Variants in BTBD9 observed in about 807,000 individuals in gnomAD.
BTBD9 encodes BTB domain containing 9.
In BTBD9, 49 loss-of-function variants were observed where a neutral mutation model predicts 64.3. The ratio of observed to expected loss-of-function variants is 0.76; its 90% CI spans 0.61 to 0.97. The LOEUF (loss-of-function observed/expected upper bound fraction) is 0.97, where lower values mean the gene tolerates loss of function less well. Among genes scored for constraint, BTBD9 ranks in the 50% least tolerant of loss-of-function variants. The pLI, the probability that BTBD9 is intolerant of heterozygous loss-of-function variation, is 0.00. For missense variants in BTBD9, 598 were observed against 762.1 expected, an observed-to-expected ratio of 0.78 and a Z score of 2.53; for synonymous variants, 260 against 274.7, an observed-to-expected ratio of 0.95 and a Z score of 0.53.
chr6:38,616,995 C>A (rs765862356), intron 1 of BTBD9, among the ~76,000 whole-genome samples: 2 of 152,140 alleles, frequency 1.3e-5, no homozygotes, highest in Non-Finnish European at 2.9e-5. Flanking sequence ...TGAGTACTAT[C>A]GGACCCCTTT....
At chr6:38,568,278 A>G (rs1775611116) in intron 6 of BTBD9, among the ~76,000 whole-genome samples, 1 of 152,206 alleles carries the variant, frequency 6.6e-6, no homozygotes, top group South Asian at 2.1e-4. Context: ...TTCACACACA[A>G]AAAATCTGTA....
Position 38,503,183 on chromosome 6 carries a change from C to G in BTBD9, c.1154+74417G>C, listed in dbSNP as rs537422483. Among the ~76,000 whole-genome samples, 8 of 152,246 alleles carry G rather than the reference C, an allele frequency of 5.3e-5. 1 individual carries two copies. The East Asian group carries it at 1.5e-3, about 29-fold the overall frequency. On this transcript the variant is annotated intron_variant, in intron 6 of 10. Transcript: ENST00000481247. ...CCACAGCAGCTACATCACACCTCCT[C>G]CATTCCTCTCATGTCTCCTACCCAA...
At chr6:38,381,577 A>G (rs1440327252) in intron 6 of BTBD9, among the ~76,000 whole-genome samples, 3 of 152,232 alleles carry the variant, frequency 2.0e-5, no homozygotes, top group Admixed American at 6.5e-5. Flanking sequence ...AGAATATTTG[A>G]GCAACATAAT....
At chr6:38,262,181 TGA>T (rs1037576926) in intron 8 of BTBD9, among the ~76,000 whole-genome samples, 1 of 152,228 alleles carries the variant, frequency 6.6e-6, no homozygotes, top group Non-Finnish European at 1.5e-5. Context: ...GTTTGCATGG[TGA>T]GCTCATCCAG....
intron 6 of BTBD9, among the ~76,000 whole-genome samples, chr6:38,467,823 T>C (rs2127362786): frequency 6.6e-6 from 1 of 152,342 alleles, no homozygotes; most frequent in Non-Finnish European, 1.5e-5. Flanking sequence ...TTCTTCACTC[T>C]TTCCATCCTC....
intron 6 of BTBD9, among the ~76,000 whole-genome samples, chr6:38,373,800 T>C (rs1332154968): frequency 2.6e-5 from 4 of 152,102 alleles, no homozygotes; most frequent in Admixed American, 2.6e-4. Flanking sequence ...AGTGCCAAGA[T>C]TATAGGTGTG....
intron 9 of BTBD9, among the ~76,000 whole-genome samples, chr6:38,242,697 T>C (rs1385573008): frequency 7.9e-5 from 12 of 152,228 alleles, no homozygotes; most frequent in Admixed American, 6.5e-4. Flanking sequence ...AATGTATTAA[T>C]AGTATGAGCC....
At chr6:38,397,040 T>C (rs920708229) in intron 6 of BTBD9, among the ~76,000 whole-genome samples, 5 of 151,874 alleles carry the variant, frequency 3.3e-5, no homozygotes, top group African/African-American at 1.2e-4. Flanking sequence ...TAGCAGGGAT[T>C]ACAGGTGTGC....
At position 38,374,303 on chromosome 6, in the gene BTBD9, ATATG is replaced by A. The variant is rs71953763; in HGVS notation, c.1155-29214_1155-29211del. On this transcript the variant is annotated intron_variant, in intron 6 of 10. Transcript: ENST00000481247. ...AAAAAGTATATATATATATGTATAT[ATATG>A]TATATATATATATATATATGTATAT... Among the ~76,000 whole-genome samples the A allele has an allele frequency of 8.5e-3, 774 of 90,910 alleles. 130 individuals are homozygous for A. In the East Asian group the frequency reaches 0.1, roughly 12 times the overall value. 59.6% of individuals were successfully genotyped at this position (90,910 alleles called of 152,430 possible). A position where few individuals can be genotyped will look rare whatever the true frequency, so the allele number is the denominator to read the frequency against.
chr6:38,262,692 G>A (rs1764835208), intron 8 of BTBD9, among the ~76,000 whole-genome samples: 1 of 152,152 alleles, frequency 6.6e-6, no homozygotes, highest in South Asian at 2.1e-4. Context: ...AGTGGACTGA[G>A]GTTTCCAGTC....
chr6:38,180,868 G>C (rs570069315), intron 10 of BTBD9, among the ~76,000 whole-genome samples: 1 of 152,342 alleles, frequency 6.6e-6, no homozygotes, highest in Admixed American at 6.5e-5. Context: ...TCGTGTGTAT[G>C]AATCCGACAC....
chr6:38,597,771 G>T, intron 2 of BTBD9, 139 bp downstream of exon 2: 1 of 725,036 alleles, frequency 1.4e-6, no homozygotes, highest in Non-Finnish European at 2.2e-6. Flanking sequence ...AGTCTACAAG[G>T]ATGAAATCTT....
chr6:38,386,160 G>T (rs1182493514), intron 6 of BTBD9, among the ~76,000 whole-genome samples: 2 of 151,980 alleles, frequency 1.3e-5, no homozygotes, highest in Admixed American at 1.3e-4. Context: ...AACCCTAAAC[G>T]AAAATCCTTT....
chr6:38,363,524 A>C (rs1381943690), intron 6 of BTBD9, among the ~76,000 whole-genome samples: 1 of 152,206 alleles, frequency 6.6e-6, no homozygotes, highest in Non-Finnish European at 1.5e-5. Flanking sequence ...GGCTGCAGTG[A>C]GCTATGATTG....
At chr6:38,222,211 G>C (rs568070077) in intron 9 of BTBD9, among the ~76,000 whole-genome samples, 2 of 147,632 alleles carry the variant, frequency 1.4e-5, no homozygotes, top group African/African-American at 5.0e-5. Flanking sequence ...AAATCATATA[G>C]CTGAAGAGAG....
At chr6:38,312,739 T>C (rs1041757204) in intron 7 of BTBD9, among the ~76,000 whole-genome samples, 3 of 152,170 alleles carry the variant, frequency 2.0e-5, no homozygotes, top group African/African-American at 7.2e-5. Flanking sequence ...TATTTCTGGG[T>C]TCTCTATTCT....
intron 9 of BTBD9, among the ~76,000 whole-genome samples, chr6:38,225,775 AG>A (rs35363409): frequency 0.47 from 71,591 of 152,010 alleles, 17,517 homozygotes; most frequent in Non-Finnish European, 0.52. Flanking sequence ...AAGAAGCATC[AG>A]GGGCAACCCA....
chr6:38,398,328 C>T (rs1172701417), intron 6 of BTBD9, among the ~76,000 whole-genome samples: 2 of 152,164 alleles, frequency 1.3e-5, no homozygotes, highest in Non-Finnish European at 2.9e-5. Context: ...GTTCACAAGT[C>T]TCTCTTTCTT....
intron 9 of BTBD9, among the ~76,000 whole-genome samples, chr6:38,212,417 A>T (rs1008708411): frequency 5.9e-5 from 9 of 152,200 alleles, no homozygotes; most frequent in African/African-American, 2.2e-4. Context: ...GTGACACAGG[A>T]CTATGGGGCA....
Sources: gnomAD v4.1 joint callset for allele counts (sites outside exome capture counted in the v4.1 genomes callset) on GRCh38, gnomAD v4.1.1 for gene constraint, MANE v1.5 for transcripts, NCBI Gene and HGNC (gene_info 2026-07-23, HGNC 2026-07-21) for gene names.